The following HERC2 variants were observed in gnomAD, a reference collection of about 807,000 sequenced individuals.
The protein encoded by HERC2 is HECT and RLD domain containing E3 ubiquitin protein ligase 2.
In HERC2, 102 loss-of-function variants were observed where a neutral mutation model predicts 537.7. The observed-to-expected ratio is 0.19, with a 90% CI of 0.16 to 0.22. The LOEUF is 0.22. HERC2 is among the 10% of genes least tolerant of loss of function. The pLI is 1.00. For synonymous variants in HERC2, 2,224 were observed against 2,466.2 expected (o/e 0.90, Z 2.91); for missense variants, 4,236 against 6,198.2 (o/e 0.68, Z 10.63).
Position 28,230,457 on chromosome 15 carries a change from T to C in HERC2, c.4719A>G (p.Gly1573=), listed in dbSNP as rs766226679. The C allele has an allele frequency of 2.9e-6, 4 of 1,399,134 alleles. No individual in the cohort carries two copies. In the South Asian group the frequency reaches 3.5e-5, roughly 12 times the overall value. 86.7% of individuals were successfully genotyped at this position (1,399,134 alleles called of 1,614,324 possible). ...PESTDDEEKI[G]NEESDLEEAC... is the part of the protein sequence containing the mutation. ...CTTCTTCTAAATCACTCTCTTCGTT[T>C]CCAATTTTTTCTTCATCATCCGTAG... The change falls in exon 31 of 93, where the codon GGA becomes GGG. Residue 1573 remains glycine (G), a synonymous_variant. Coordinates refer to ENST00000261609, the MANE Select transcript of HERC2 (RefSeq NM_004667.6).
chr15:28,169,345 C>A, intron 66 of HERC2, 139 bp downstream of exon 66: 1 of 581,390 alleles, frequency 1.7e-6, no homozygotes. Flanking sequence ...CATCAAAGAA[C>A]TTGTGACTTA....
At chr15:28,121,253 G>A (rs931759306) in intron 86 of HERC2, 93 bp downstream of exon 86, 1 of 1,109,286 alleles carries the variant, frequency 9.0e-7, no homozygotes, top group African/African-American at 1.5e-5. Context: ...TGCACAGGAT[G>A]GCAGGCTACC....
rs192865930 is a variant in HERC2, at chr15:28,265,057, C to T, written c.1870+561G>A. Among the ~76,000 whole-genome samples, 66 of 152,290 alleles carry T rather than the reference C, an allele frequency of 4.3e-4. No homozygotes were observed. Among genetic ancestry groups the T allele is most frequent in the African/African-American group, 1.4e-3 (60 of 41,556 alleles). ...TGACAGGTACCCCTGCTGATTATAACGGAAAGACTCCACAACGCCAGAGAC... is the reference window on the plus strand; with the variant it reads ...TGACAGGTACCCCTGCTGATTATAATGGAAAGACTCCACAACGCCAGAGAC... On this transcript the variant is annotated intron_variant, in intron 14 of 92. Transcript: ENST00000261609. This position sits in a 1 kb window ranked among gnomAD's most constrained non-coding sequence, Gnocchi z 4.0.
intron 83 of HERC2, among the ~76,000 whole-genome samples, chr15:28,127,543 C>T (rs1889635064): frequency 6.6e-6 from 1 of 152,214 alleles, no homozygotes; most frequent in South Asian, 2.1e-4. Flanking sequence ...TATTCCCTGG[C>T]TTTGTCCACT....
At position 28,310,396 on chromosome 15, in the gene HERC2, G is replaced by A. The variant is rs534291587; in HGVS notation, c.73-10880C>T. On this transcript the variant is annotated intron_variant, in intron 2 of 92. Coordinates refer to ENST00000261609, the MANE Select transcript of HERC2 (RefSeq NM_004667.6). Reference sequence around the variant, plus strand: ...GGAGGTAGAGGCTGCAGTGAGTTGAGATCACTCCACTGTACTCCAGCCTGG... The same window carrying A: ...GGAGGTAGAGGCTGCAGTGAGTTGAAATCACTCCACTGTACTCCAGCCTGG... 2.6e-5 allele frequency among the ~76,000 whole-genome samples: 4 copies of A among 152,006 alleles called. No individual in the cohort carries two copies. In the South Asian group the frequency reaches 6.2e-4, roughly 24 times the overall value.
chr15:28,194,453 G>C (rs574621604), intron 52 of HERC2, among the ~76,000 whole-genome samples: 443 of 150,960 alleles, frequency 2.9e-3, no homozygotes, highest in Middle Eastern at 0.01. Flanking sequence ...GCCTGTAGTC[G>C]CAGCTACTCG....
At chr15:28,165,969 T>G (rs1207087593) in intron 68 of HERC2, among the ~76,000 whole-genome samples, 1 of 152,154 alleles carries the variant, frequency 6.6e-6, no homozygotes, top group East Asian at 1.9e-4. Flanking sequence ...GAAACACAAC[T>G]GATTCCTATG....
chr15:28,228,077 G>A (rs974820688), intron 35 of HERC2, 141 bp downstream of exon 35: 14 of 744,426 alleles, frequency 1.9e-5, no homozygotes, highest in African/African-American at 1.8e-4. Flanking sequence ...GAATTGTGAC[G>A]TTAAAATGGT....
At chr15:28,227,840 T>A (rs1417612827) in intron 35 of HERC2, among the ~76,000 whole-genome samples, 3 of 152,140 alleles carry the variant, frequency 2.0e-5, no homozygotes, top group Non-Finnish European at 2.9e-5. Context: ...ATATACCAAA[T>A]GAAATAACCC....
intron 2 of HERC2, among the ~76,000 whole-genome samples, chr15:28,303,283 C>A (rs1441670132): frequency 6.6e-6 from 1 of 152,230 alleles, no homozygotes; most frequent in Non-Finnish European, 1.5e-5. Context: ...CACGTATCCT[C>A]CGGGCACCTC....
At chr15:28,283,339 T>A (rs1184827651) in intron 4 of HERC2, among the ~76,000 whole-genome samples, 1 of 152,182 alleles carries the variant, frequency 6.6e-6, no homozygotes, top group Non-Finnish European at 1.5e-5. Context: ...CTATCGTGCA[T>A]TAACAAGTCA....
At chr15:28,308,127 G>C (rs1186588258) in intron 2 of HERC2, among the ~76,000 whole-genome samples, 1 of 151,918 alleles carries the variant, frequency 6.6e-6, no homozygotes, top group African/African-American at 2.4e-5. Context: ...GCACTGAATC[G>C]GTAGATTGCT....
intron 20 of HERC2, among the ~76,000 whole-genome samples, chr15:28,250,028 CA>C (rs1170152015): frequency 1.3e-5 from 2 of 152,052 alleles, no homozygotes; most frequent in African/African-American, 4.8e-5. Flanking sequence ...GAGGAGAGCC[CA>C]ACCAGAGCCT....
chr15:28,133,887 C>T (rs1303961966), intron 79 of HERC2, among the ~76,000 whole-genome samples: 1 of 152,198 alleles, frequency 6.6e-6, no homozygotes, highest in Admixed American at 6.5e-5. Context: ...CTGTTTACTG[C>T]AGCTATAAAT....
At chr15:28,188,338 C>A (rs1435243678) in intron 55 of HERC2, among the ~76,000 whole-genome samples, 1 of 151,864 alleles carries the variant, frequency 6.6e-6, no homozygotes, top group African/African-American at 2.4e-5. Context: ...GTCAGGAGAT[C>A]GAGACCATCC....
rs867470923 is a variant in HERC2, at chr15:28,182,444, C to A, written c.8894G>T (p.Gly2965Val). 6.2e-7 allele frequency: 1 copy of A among 1,613,902 alleles called. No individual in the cohort carries two copies. Among genetic ancestry groups the A allele is most frequent in the Non-Finnish European group, 8.5e-7 (1 of 1,179,990 alleles). ...GCCCAGCTGGTCCTTGTCATTCAGG[C>A]CCCACACAAACACCTTGGTTCTTAT... ...ATIRTKVFVWGLNDKDQLGGL... is the reference protein window; with the variant it reads ...ATIRTKVFVWVLNDKDQLGGL... Residue 2965 changes from glycine (G) to valine (V), a missense_variant, in exon 57 of 93, where the codon GGC becomes GTC. By Grantham distance (109) the Gly-to-Val change is moderately radical. Around this residue, in one of 27 missense-constraint regions of HERC2, gnomAD observed 606 missense variants for 884.5 expected, o/e 0.69. Coordinates refer to ENST00000261609, the MANE Select transcript of HERC2 (RefSeq NM_004667.6).
At chr15:28,291,762 G>A (rs1312896221) in intron 4 of HERC2, among the ~76,000 whole-genome samples, 1 of 151,870 alleles carries the variant, frequency 6.6e-6, no homozygotes, top group Non-Finnish European at 1.5e-5. Flanking sequence ...GGAATTAGCC[G>A]GGTGTGGTGG....
intron 49 of HERC2, 34 bp from the exon 50 acceptor site, chr15:28,198,537 T>A: frequency 1.2e-6 from 2 of 1,611,084 alleles, no homozygotes; most frequent in Non-Finnish European, 1.7e-6. Context: ...TTATAATCAA[T>A]ATTCATTTAA....
chr15:28,217,647 C>G (rs1363690685), intron 38 of HERC2, among the ~76,000 whole-genome samples: 3 of 152,110 alleles, frequency 2.0e-5, no homozygotes, highest in Non-Finnish European at 4.4e-5. Flanking sequence ...ACATTCGGAA[C>G]CTCAGAATAT....
Sources: gnomAD v4.1 joint callset for allele counts (sites outside exome capture counted in the v4.1 genomes callset) on GRCh38, gnomAD v4.1.1 for gene constraint, gnomAD v4.1.1 regional missense constraint, Gnocchi (gnomAD v3.1) non-coding constraint, MANE v1.5 for transcripts, NCBI Gene and HGNC (gene_info 2026-07-23, HGNC 2026-07-21) for gene names.